The following CNBD1 variants were observed in gnomAD, a reference collection of about 807,000 sequenced individuals.
CNBD1 encodes cyclic nucleotide binding domain containing 1.
A neutral mutation model predicts 54.4 loss-of-function variants in CNBD1; 71 were observed. The ratio of observed to expected loss-of-function variants is 1.30; its 90% CI spans 1.08 to 1.59. The LOEUF (loss-of-function observed/expected upper bound fraction) is 1.59, where lower values mean the gene tolerates loss of function less well. Ranked by LOEUF, CNBD1 falls within the 40% of genes most tolerant of loss-of-function variation. The pLI is 0.00. For synonymous variants in CNBD1, 182 were observed against 170.7 expected, an observed-to-expected ratio of 1.07 and a Z score of -0.51; for missense variants, 659 against 518.0, an observed-to-expected ratio of 1.27 and a Z score of -2.64.
chr8:86,951,902 A>T (rs983287056), intron 4 of CNBD1, among the ~76,000 whole-genome samples: 4 of 152,156 alleles, frequency 2.6e-5, no homozygotes, highest in Non-Finnish European at 5.9e-5. Context: ...TTCCTAAAAA[A>T]GATAGCTACT....
intron 10 of CNBD1, among the ~76,000 whole-genome samples, chr8:87,366,706 G>T (rs918532978): frequency 6.6e-6 from 1 of 151,994 alleles, no homozygotes; most frequent in Non-Finnish European, 1.5e-5. Flanking sequence ...TCAGCAGTGG[G>T]TAAGGAGAGC....
intron 2 of CNBD1, among the ~76,000 whole-genome samples, 199 bp from the exon 3 acceptor site, chr8:86,904,878 TCATA>T (rs1563816799): frequency 6.6e-6 from 1 of 152,134 alleles, no homozygotes. Context: ...TCATACATTA[TCATA>T]CATTTTGTAT....
intron 8 of CNBD1, among the ~76,000 whole-genome samples, chr8:87,347,533 G>C (rs1344525183): frequency 1.3e-5 from 2 of 152,000 alleles, no homozygotes; most frequent in East Asian, 1.9e-4. Context: ...CAATAACTTA[G>C]ATGGCAACAC....
chr8:86,887,514 C>T (rs767084660), intron 1 of CNBD1, 28 bp from the exon 2 acceptor site: 2 of 1,420,946 alleles, frequency 1.4e-6, no homozygotes, highest in East Asian at 2.5e-5. Context: ...TGGAAAATTA[C>T]TCAAATTTTT....
At chr8:86,947,097 A>G (rs1039160593) in intron 4 of CNBD1, among the ~76,000 whole-genome samples, 1 of 152,112 alleles carries the variant, frequency 6.6e-6, no homozygotes, top group Non-Finnish European at 1.5e-5. Context: ...CTGCATGGTC[A>G]CTGTTCTCAG....
chr8:87,253,899 A>G (rs544425915), intron 6 of CNBD1, among the ~76,000 whole-genome samples: 57 of 152,316 alleles, frequency 3.7e-4, no homozygotes, highest in African/African-American at 1.3e-3. Flanking sequence ...TTAGTTACAT[A>G]AAAAATCAAC....
chr8:87,322,475 G>A (rs1809558228), intron 8 of CNBD1, among the ~76,000 whole-genome samples: 1 of 121,908 alleles, frequency 8.2e-6, no homozygotes, highest in South Asian at 2.4e-4. Flanking sequence ...GTTGTTTCCT[G>A]ACTTTTTAAT....
chr8:86,918,349 CAT>C (rs140997327), intron 3 of CNBD1, among the ~76,000 whole-genome samples: 5,331 of 152,224 alleles, frequency 0.035, 124 homozygotes, highest in Non-Finnish European at 0.053. Flanking sequence ...GTTATTAGAA[CAT>C]GTTTCTTTCC....
In CNBD1 at chr8:86,878,840, C is replaced by T. The variant is rs1161932913; in HGVS notation, c.89-8702C>T. 2.6e-5 allele frequency among the ~76,000 whole-genome samples: 4 copies of T among 152,140 alleles called. 1 individual carries two copies. The South Asian group carries it at 6.2e-4, about 24-fold the overall frequency. ...GTTTCACTATTTGGTTGATATTATT[C>T]AGAATTCATAGTTAGAAAATATGGT... On this transcript the variant is annotated intron_variant, in intron 1 of 10. Coordinates refer to ENST00000518476, the MANE Select transcript of CNBD1 (RefSeq NM_173538.3).
At chr8:87,150,241 A>G (rs1812576270) in intron 4 of CNBD1, among the ~76,000 whole-genome samples, 1 of 152,096 alleles carries the variant, frequency 6.6e-6, no homozygotes, top group Non-Finnish European at 1.5e-5. Context: ...GGAAAAGAAC[A>G]AGGCAGGTAT....
At chr8:86,884,184 C>G (rs898669377) in intron 1 of CNBD1, among the ~76,000 whole-genome samples, 2 of 150,428 alleles carry the variant, frequency 1.3e-5, no homozygotes, top group African/African-American at 4.9e-5. Flanking sequence ...AACAAAAAAA[C>G]CTTGCCCCTT....
intron 8 of CNBD1, among the ~76,000 whole-genome samples, chr8:87,314,049 T>C (rs1809330046): frequency 6.6e-6 from 1 of 151,930 alleles, no homozygotes; most frequent in Admixed American, 6.6e-5. Context: ...CATGAATGCT[T>C]TACAGTGCAT....
chr8:86,971,075 T>C (rs1393835552), intron 4 of CNBD1, among the ~76,000 whole-genome samples: 1 of 152,204 alleles, frequency 6.6e-6, no homozygotes, highest in Admixed American at 6.6e-5. Flanking sequence ...AAATATATAC[T>C]TTATTCTGTG....
chr8:87,328,579 C>T (rs1031845338), intron 8 of CNBD1, among the ~76,000 whole-genome samples: 1 of 151,788 alleles, frequency 6.6e-6, no homozygotes, highest in Non-Finnish European at 1.5e-5. Flanking sequence ...ATTGTTTTGA[C>T]TGCTTGGAGT....
At chr8:86,907,766 C>G (rs1239341878) in intron 3 of CNBD1, among the ~76,000 whole-genome samples, 2 of 151,938 alleles carry the variant, frequency 1.3e-5, no homozygotes, top group African/African-American at 4.8e-5. Context: ...TTCTTCTAAG[C>G]TTAGTATACA....
intron 4 of CNBD1, among the ~76,000 whole-genome samples, chr8:86,953,764 G>A (rs898113522): frequency 6.6e-6 from 1 of 152,136 alleles, no homozygotes; most frequent in Non-Finnish European, 1.5e-5. Flanking sequence ...CTACTCAGGA[G>A]GCTGAGGCGG....
At chr8:87,106,832 A>T (rs1411802939) in intron 4 of CNBD1, among the ~76,000 whole-genome samples, 2 of 151,764 alleles carry the variant, frequency 1.3e-5, no homozygotes, top group Non-Finnish European at 2.9e-5. Context: ...TTATTTATTT[A>T]TTTATTTTTT....
intron 2 of CNBD1, among the ~76,000 whole-genome samples, chr8:86,904,647 A>G (rs1355249350): frequency 6.6e-6 from 1 of 152,108 alleles, no homozygotes; most frequent in Non-Finnish European, 1.5e-5. Flanking sequence ...TTCTTGTAAC[A>G]TATCTTTATT....
intron 1 of CNBD1, among the ~76,000 whole-genome samples, chr8:86,878,422 A>G (rs1364773071): frequency 2.0e-5 from 3 of 152,146 alleles, no homozygotes; most frequent in Non-Finnish European, 4.4e-5. Flanking sequence ...TCTTCCCTAA[A>G]CAATATGCTC....
Sources: allele counts gnomAD v4.1 joint callset (sites outside exome capture counted in the v4.1 genomes callset), GRCh38; gene constraint gnomAD v4.1.1; transcripts MANE v1.5; gene names NCBI Gene and HGNC (gene_info 2026-07-23, HGNC 2026-07-21).